The following DNAI4 variants were observed in gnomAD, a reference collection of about 807,000 sequenced individuals.
DNAI4 encodes WD repeat domain 78.
DNAI4 carries 85 observed loss-of-function variants against 105.8 expected under a neutral mutation model. That is an observed-to-expected ratio of 0.80 (90% confidence interval 0.67 to 0.96). The LOEUF is 0.96. Among genes scored for constraint, DNAI4 ranks in the 40% least tolerant of loss-of-function variants. The pLI is 0.00. For missense variants in DNAI4, 1,014 were observed against 1,005.6 expected (o/e 1.01, Z -0.11); for synonymous variants, 352 against 331.5 (o/e 1.06, Z -0.67).
intron 1 of DNAI4, among the ~76,000 whole-genome samples, 175 bp from the exon 2 acceptor site, chr1:66,905,550 C>T (rs1649178533): frequency 6.6e-6 from 1 of 152,080 alleles, no homozygotes; most frequent in Admixed American, 6.5e-5. Flanking sequence ...AAAGAGTTGG[C>T]ATATATTACA....
At chr1:66,879,034 A>T (rs936646985) in intron 4 of DNAI4, among the ~76,000 whole-genome samples, 4 of 152,160 alleles carry the variant, frequency 2.6e-5, no homozygotes, top group Admixed American at 2.6e-4. Flanking sequence ...TTGTGATTTT[A>T]AAAAACCTCC....
intron 15 of DNAI4, among the ~76,000 whole-genome samples, chr1:66,824,339 A>T (rs1645702600): frequency 1.3e-5 from 2 of 151,048 alleles, no homozygotes; most frequent in South Asian, 4.2e-4. Flanking sequence ...GAAGTCAAGT[A>T]GTGTGATGCC....
At chr1:66,850,567 TC>T (rs1646375765) in intron 7 of DNAI4, among the ~76,000 whole-genome samples, 2 of 152,018 alleles carry the variant, frequency 1.3e-5, no homozygotes, top group Admixed American at 6.6e-5. Flanking sequence ...AGAATATACT[TC>T]TTATTCTTTT....
intron 10 of DNAI4, among the ~76,000 whole-genome samples, chr1:66,837,419 T>G (rs116452000): frequency 5.3e-5 from 8 of 152,022 alleles, no homozygotes; most frequent in African/African-American, 1.9e-4. Context: ...TAAGATTCAT[T>G]TTTTCTTTAT....
chr1:66,872,219 T>TTATTTATTA (rs1646862627), intron 5 of DNAI4, among the ~76,000 whole-genome samples: 1 of 150,112 alleles, frequency 6.7e-6, no homozygotes, highest in Non-Finnish European at 1.5e-5. Flanking sequence ...ATTTATTTAT[T>TTATTTATTA]ATTTATTTAT....
intron 15 of DNAI4, among the ~76,000 whole-genome samples, chr1:66,825,515 C>G (rs1346263254): frequency 6.6e-6 from 1 of 152,156 alleles, no homozygotes; most frequent in Admixed American, 6.5e-5. Context: ...ATGTTTTTAT[C>G]CAAATGAACC....
intron 7 of DNAI4, among the ~76,000 whole-genome samples, chr1:66,856,296 C>T (rs1457329016): frequency 2.0e-5 from 3 of 150,472 alleles, no homozygotes; most frequent in South Asian, 2.1e-4. Context: ...GGTGAAACCC[C>T]GTCTCTACTA....
rs186346816 is a variant in DNAI4 at position 66,834,021 on chromosome 1, A to C, written c.1861T>G (p.Trp621Gly). ...SISADGRISK[W>G]VIRKGLDCYD... ...CAGTCTAGTCCTTTTCGTATAACCC[A>C]TTTGGAGATTCTTCCATCTGCTGAT... Residue 621 changes from tryptophan to glycine, a missense_variant, in exon 12 of 17, where the codon TGG (tryptophan) becomes GGG (glycine). Physicochemically the swap from Trp to Gly is radical, Grantham distance 184. Transcript: ENST00000371026. The C allele has an allele frequency of 5.6e-6, 9 of 1,608,406 alleles. No homozygotes were observed. In the East Asian group the frequency reaches 2.0e-4, roughly 36 times the overall value.
intron 10 of DNAI4, chr1:66,837,490 T>A: frequency 1.8e-6 from 1 of 561,648 alleles, no homozygotes; most frequent in East Asian, 3.1e-5. Context: ...CAGCATATAG[T>A]ACACATTCAA....
chr1:66,822,654 A>G, intron 15 of DNAI4, 137 bp from the exon 16 acceptor site: 1 of 695,388 alleles, frequency 1.4e-6, no homozygotes, highest in Non-Finnish European at 2.2e-6. Flanking sequence ...CAAACTCAAA[A>G]TAACTGCTCC....
At chr1:66,892,734 C>T (rs989991947) in intron 3 of DNAI4, among the ~76,000 whole-genome samples, 1 of 151,524 alleles carries the variant, frequency 6.6e-6, no homozygotes, top group Non-Finnish European at 1.5e-5. Flanking sequence ...GGTGACACCC[C>T]GTCTCTATTA....
At chr1:66,915,205 T>G (rs1408444231) in intron 1 of DNAI4, among the ~76,000 whole-genome samples, 3 of 152,250 alleles carry the variant, frequency 2.0e-5, no homozygotes, top group African/African-American at 7.2e-5. Flanking sequence ...AAGATTACCA[T>G]AACTTCTAAA....
chr1:66,844,539 G>A (rs1228892917), intron 8 of DNAI4, among the ~76,000 whole-genome samples: 1 of 151,740 alleles, frequency 6.6e-6, no homozygotes, highest in East Asian at 1.9e-4. Flanking sequence ...CTCCAGTCTG[G>A]GACAGAGAGT....
intron 8 of DNAI4, 74 bp downstream of exon 8, chr1:66,847,410 A>G: frequency 2.8e-6 from 4 of 1,426,608 alleles, no homozygotes; most frequent in East Asian, 2.4e-5. Flanking sequence ...CCTCTTCCTC[A>G]GCCTCCCAAA....
At position 66,840,662 on chromosome 1, in the gene DNAI4, G is replaced by T; in HGVS notation, c.1301C>A (p.Pro434His). 6.2e-7 allele frequency: 1 copy of T among 1,614,030 alleles called. No individual in the cohort carries two copies. Among genetic ancestry groups the T allele is most frequent in the South Asian group, 1.1e-5 (1 of 91,070 alleles). The change falls in exon 9 of 17, where the codon CCT (proline) becomes CAT (histidine). Residue 434 changes from proline to histidine, a missense_variant. Physicochemically the swap from Pro to His is moderately conservative, Grantham distance 77. Transcript: ENST00000371026. Reference protein sequence around the residue: ...RQLPVLKEPEPEEPEDVLESA... With the variant: ...RQLPVLKEPEHEEPEDVLESA... Reference sequence around the variant, plus strand: ...TTCTAAAACATCTTCAGGCTCTTCAGGTTCAGGTTCTAAAGTTTAAACAAA... The same window carrying T: ...TTCTAAAACATCTTCAGGCTCTTCATGTTCAGGTTCTAAAGTTTAAACAAA...
At chr1:66,893,653 T>A (rs1050463210) in intron 2 of DNAI4, among the ~76,000 whole-genome samples, 43 of 152,290 alleles carry the variant, frequency 2.8e-4, no homozygotes, top group African/African-American at 1.0e-3. Context: ...TATATTAACT[T>A]TAGGAAAATC....
intron 15 of DNAI4, among the ~76,000 whole-genome samples, chr1:66,824,716 T>C (rs892594200): frequency 3.3e-5 from 5 of 152,258 alleles, no homozygotes; most frequent in African/African-American, 4.8e-5. Context: ...TGTTTGTCTG[T>C]TGTTGGTGTA....
intron 4 of DNAI4, among the ~76,000 whole-genome samples, chr1:66,879,434 TAA>T (rs1360087461): frequency 2.0e-5 from 3 of 152,260 alleles, no homozygotes; most frequent in Admixed American, 6.5e-5. Flanking sequence ...GTTCACCACT[TAA>T]AAGACATCTT....
chr1:66,901,644 A>C (rs372454515), intron 2 of DNAI4, among the ~76,000 whole-genome samples: 19 of 152,286 alleles, frequency 1.2e-4, no homozygotes, highest in East Asian at 9.6e-4. Context: ...TTCACCTTTT[A>C]GCTATTGTGC....
Sources: gnomAD v4.1 joint callset for allele counts (sites outside exome capture counted in the v4.1 genomes callset) on GRCh38, gnomAD v4.1.1 for gene constraint, MANE v1.5 for transcripts, NCBI Gene and HGNC (gene_info 2026-07-23, HGNC 2026-07-21) for gene names.